The following ATP8A2 variants were observed in gnomAD, a reference collection of about 807,000 sequenced individuals.
The protein encoded by ATP8A2 is phospholipid-transporting ATPase IB.
ATP8A2 carries 100 observed loss-of-function variants against 165.6 expected under a neutral mutation model. The ratio of observed to expected loss-of-function variants is 0.60; its 90% CI spans 0.51 to 0.71. ATP8A2 has a LOEUF of 0.71. Among genes scored for constraint, ATP8A2 ranks in the 30% least tolerant of loss-of-function variants. ATP8A2 has a pLI of 0.00. For missense variants in ATP8A2, 1,227 were observed against 1,479.5 expected (o/e 0.83, Z 2.80); for synonymous variants, 543 against 548.8 (o/e 0.99, Z 0.15).
chr13:25,635,123 G>A (rs1164182835), intron 24 of ATP8A2, among the ~76,000 whole-genome samples: 1 of 152,202 alleles, frequency 6.6e-6, no homozygotes, highest in Admixed American at 6.6e-5. Flanking sequence ...TGCTGGGGAT[G>A]TAAGACCAAA....
intron 1 of ATP8A2, among the ~76,000 whole-genome samples, chr13:25,397,092 T>G (rs554137652): frequency 1.4e-4 from 22 of 152,308 alleles, no homozygotes; most frequent in African/African-American, 4.1e-4. Context: ...CTGGACATCC[T>G]GTTCTAGGAA....
rs781613801 is a variant in ATP8A2 at position 26,012,515 on chromosome 13, C to G, written c.3378-16C>G. On this transcript the variant is annotated splice_polypyrimidine_tract_variant and intron_variant, in intron 35 of 36. Transcript: ENST00000381655. ...GTTCAGGTGACAAGAGACTGACGCGCTTGCTTTATCCGCAGGCTGAACGAG... is the reference window on the plus strand; with the variant it reads ...GTTCAGGTGACAAGAGACTGACGCGGTTGCTTTATCCGCAGGCTGAACGAG... 5.5e-5 allele frequency: 84 copies of G among 1,538,362 alleles called. No individual in the cohort carries two copies. Among genetic ancestry groups the G allele is most frequent in the Non-Finnish European group, 7.2e-5 (82 of 1,140,738 alleles).
rs565806485 is a variant in ATP8A2 at position 25,949,982 on chromosome 13, T to G, written c.3184-11593T>G. 2.0e-5 allele frequency among the ~76,000 whole-genome samples: 3 copies of G among 152,174 alleles called. No individual in the cohort carries two copies. The East Asian group carries it at 5.8e-4, about 29-fold the overall frequency. ...GCCTGGCTAATTTTTGTACTTTTAG[T>G]AGGGACAGGGTTTCACCATGTTGGC... On this transcript the variant is annotated intron_variant, in intron 33 of 36. Coordinates refer to ENST00000381655, the MANE Select transcript of ATP8A2 (RefSeq NM_016529.6).
chr13:25,600,518 C>T (rs923360149), intron 24 of ATP8A2, among the ~76,000 whole-genome samples: 1 of 152,230 alleles, frequency 6.6e-6, no homozygotes, highest in Non-Finnish European at 1.5e-5. Flanking sequence ...GTGGAAGGAG[C>T]GGAAGGAGCA....
At chr13:25,395,999 A>G (rs1347249225) in intron 1 of ATP8A2, among the ~76,000 whole-genome samples, 1 of 152,066 alleles carries the variant, frequency 6.6e-6, no homozygotes, top group Non-Finnish European at 1.5e-5. Context: ...GTGCATCACC[A>G]TGCCCAGCTA....
intron 30 of ATP8A2, among the ~76,000 whole-genome samples, chr13:25,848,247 T>C (rs1356700751): frequency 1.3e-5 from 2 of 152,250 alleles, no homozygotes; most frequent in East Asian, 3.8e-4. Context: ...CCTGCTTCAT[T>C]TCAACACAGT....
intron 25 of ATP8A2, among the ~76,000 whole-genome samples, chr13:25,765,288 T>A (rs990671973): frequency 6.6e-6 from 1 of 152,224 alleles, no homozygotes; most frequent in African/African-American, 2.4e-5. Context: ...ATTAAAGAAG[T>A]GCCCCCAAGC....
At chr13:25,735,705 A>C (rs1226211452) in intron 25 of ATP8A2, among the ~76,000 whole-genome samples, 1 of 152,238 alleles carries the variant, frequency 6.6e-6, no homozygotes, top group African/African-American at 2.4e-5. Flanking sequence ...ATAACAGAAC[A>C]TATCAACCAT....
Position 25,888,276 on chromosome 13 carries a change from G to A in ATP8A2, c.3183+25868G>A, listed in dbSNP as rs75009431. Among the ~76,000 whole-genome samples the A allele has an allele frequency of 6.8e-3, 1,040 of 152,238 alleles. 16 individuals carry two copies. Among genetic ancestry groups the A allele is most frequent in the African/African-American group, 0.024 (977 of 41,510 alleles). ...TGAAATTCTCTGTCTGAAATTTTAG[G>A]TTAGGACCCAAACAATAACCTGATG... is the stretch of plus-strand genomic sequence containing the variant. On this transcript the variant is annotated intron_variant, in intron 33 of 36. Coordinates refer to ENST00000381655, the MANE Select transcript of ATP8A2 (RefSeq NM_016529.6).
chr13:25,469,930 T>G (rs942992110), intron 2 of ATP8A2, among the ~76,000 whole-genome samples: 2 of 152,230 alleles, frequency 1.3e-5, no homozygotes, highest in African/African-American at 4.8e-5. Flanking sequence ...CAACTTTGTA[T>G]CTGGGAGAGA....
chr13:25,565,164 G>A (rs1010477581), intron 16 of ATP8A2, among the ~76,000 whole-genome samples: 14 of 152,052 alleles, frequency 9.2e-5, no homozygotes, highest in Non-Finnish European at 1.9e-4. Context: ...GGGCATTTGG[G>A]TTGGTTCCAC....
chr13:25,397,639 T>A (rs373302359), intron 1 of ATP8A2, among the ~76,000 whole-genome samples: 3 of 152,104 alleles, frequency 2.0e-5, no homozygotes, highest in Non-Finnish European at 4.4e-5. Flanking sequence ...CCAGACTCTG[T>A]AAAATATTTG....
chr13:25,708,027 T>C (rs1290336514), intron 25 of ATP8A2, among the ~76,000 whole-genome samples: 2 of 152,230 alleles, frequency 1.3e-5, no homozygotes, highest in Non-Finnish European at 2.9e-5. Flanking sequence ...TTTTCAAGAC[T>C]TTTCCTGTGT....
intron 1 of ATP8A2, among the ~76,000 whole-genome samples, chr13:25,447,323 T>G (rs2035096400): frequency 1.3e-5 from 2 of 152,208 alleles, no homozygotes; most frequent in Non-Finnish European, 2.9e-5. Flanking sequence ...TTTTGATATA[T>G]GCACACAATG....
chr13:25,893,555 G>A (rs1336813853), intron 33 of ATP8A2, among the ~76,000 whole-genome samples: 1 of 151,666 alleles, frequency 6.6e-6, no homozygotes, highest in Non-Finnish European at 1.5e-5. Flanking sequence ...TAATCCTTTG[G>A]GTATATACCC....
At chr13:25,530,235 A>C (rs1017978696) in intron 3 of ATP8A2, 137 bp downstream of exon 3, 11 of 635,054 alleles carry the variant, frequency 1.7e-5, no homozygotes, top group Non-Finnish European at 3.0e-5. Flanking sequence ...TGTTTGATAG[A>C]GTGAACAAGC....
At chr13:25,906,970 C>T (rs1410368420) in intron 33 of ATP8A2, among the ~76,000 whole-genome samples, 2 of 152,242 alleles carry the variant, frequency 1.3e-5, no homozygotes, top group African/African-American at 2.4e-5. Flanking sequence ...TGGCTCACGC[C>T]TGTAATCCCA....
At chr13:25,822,086 C>T (rs891597065) in intron 27 of ATP8A2, among the ~76,000 whole-genome samples, 1 of 151,998 alleles carries the variant, frequency 6.6e-6, no homozygotes, top group African/African-American at 2.4e-5. Flanking sequence ...CTTATTTTTT[C>T]ATTTTTAATG....
chr13:26,004,999 A>G (rs2139333576), intron 35 of ATP8A2, among the ~76,000 whole-genome samples: 1 of 152,088 alleles, frequency 6.6e-6, no homozygotes, highest in African/African-American at 2.4e-5. Context: ...CTGACTTTGT[A>G]AAATGGGTTT....
Sources: gnomAD v4.1 joint callset for allele counts (sites outside exome capture counted in the v4.1 genomes callset) on GRCh38, gnomAD v4.1.1 for gene constraint, MANE v1.5 for transcripts, NCBI Gene and HGNC (gene_info 2026-07-23, HGNC 2026-07-21) for gene names.